Variants in KIF15 observed in about 807,000 individuals in gnomAD.
KIF15 encodes the protein kinesin family member 15, also known as kinesin-like protein KIF15.
In KIF15, 140 loss-of-function variants were observed where a neutral mutation model predicts 190.6. The observed-to-expected ratio is 0.73, with a 90% CI of 0.64 to 0.84. KIF15 has a LOEUF of 0.84. Ranked by LOEUF, KIF15 falls within the 40% of genes least tolerant of loss-of-function variation. The pLI, the probability that KIF15 is intolerant of heterozygous loss-of-function variation, is 0.00. For missense variants in KIF15, 1,372 were observed against 1,584.4 expected (o/e 0.87, Z 2.28); for synonymous variants, 528 against 551.3 (o/e 0.96, Z 0.59).
At chr3:44,790,387 C>T (rs1373163642) in intron 7 of KIF15, among the ~76,000 whole-genome samples, 2 of 151,952 alleles carry the variant, frequency 1.3e-5, no homozygotes, top group Non-Finnish European at 2.9e-5. Flanking sequence ...TCATGTTGGC[C>T]GGGCTGGTCT....
chr3:44,852,639 T>TG (rs1699103407), intron 34 of KIF15, 34 bp from the exon 35 acceptor site: 1 of 1,481,870 alleles, frequency 6.7e-7, no homozygotes, highest in Non-Finnish European at 9.2e-7. Flanking sequence ...TAGAGCCTTA[T>TG]TTTTTTTCTT....
downstream of KIF15, among the ~76,000 whole-genome samples, chr3:44,857,423 A>G (rs2125736391): frequency 6.6e-6 from 1 of 152,348 alleles, no homozygotes; most frequent in Non-Finnish European, 1.5e-5. Context: ...TAAAACAGTA[A>G]GGTCAAGTTG....
chr3:44,862,038 G>C (rs1241939232), intron 6 of KIF15: 2 of 1,388,164 alleles, frequency 1.4e-6, no homozygotes, highest in South Asian at 1.7e-5. Flanking sequence ...GCCGCTTTTG[G>C]GGCGTATTCA....
downstream of KIF15, among the ~76,000 whole-genome samples, chr3:44,858,111 A>G (rs187822982): frequency 1.3e-5 from 2 of 152,334 alleles, no homozygotes; most frequent in East Asian, 3.9e-4. Context: ...TCCAGGTAAA[A>G]GCAGAGGCTG....
chr3:44,805,262 TTAAA>T, intron 15 of KIF15, 94 bp downstream of exon 15: 1 of 1,230,600 alleles, frequency 8.1e-7, no homozygotes, highest in Non-Finnish European at 1.1e-6. Flanking sequence ...GCATTTTACT[TTAAA>T]TATTAAACTC....
At chr3:44,822,583 A>G (rs1697404215) in intron 20 of KIF15, among the ~76,000 whole-genome samples, 1 of 152,206 alleles carries the variant, frequency 6.6e-6, no homozygotes, top group South Asian at 2.1e-4. Flanking sequence ...CTCCTGGATA[A>G]TATCCTGAAG....
At chr3:44,803,378 G>A (rs1707365723) in intron 14 of KIF15, among the ~76,000 whole-genome samples, 1 of 152,232 alleles carries the variant, frequency 6.6e-6, no homozygotes, top group Admixed American at 6.5e-5. Flanking sequence ...GTCCTGTGCA[G>A]TATAAGAGAT....
At chr3:44,811,777 C>T (rs1173013418) in intron 17 of KIF15, among the ~76,000 whole-genome samples, 5 of 152,128 alleles carry the variant, frequency 3.3e-5, no homozygotes, top group Non-Finnish European at 7.3e-5. Flanking sequence ...AGGTTTTCTA[C>T]TGTCCAGTAA....
At chr3:44,814,757 T>C (rs1707950666) in intron 19 of KIF15, among the ~76,000 whole-genome samples, 154 bp from the exon 20 acceptor site, 1 of 152,138 alleles carries the variant, frequency 6.6e-6, no homozygotes, top group African/African-American at 2.4e-5. Flanking sequence ...AATAGAAATC[T>C]CAGTGCTGCT....
intron 5 of KIF15, among the ~76,000 whole-genome samples, chr3:44,782,727 T>C (rs1706225919): frequency 6.6e-6 from 1 of 152,118 alleles, no homozygotes; most frequent in Non-Finnish European, 1.5e-5. Context: ...AGTTATTAAG[T>C]GAAATGAGAG....
Position 44,794,243 on chromosome 3 carries a change from A to G in KIF15, c.666A>G (p.Arg222=). The change falls in exon 8 of 35, where the codon AGA becomes AGG. Residue 222 remains arginine (R), a synonymous_variant. Coordinates refer to ENST00000326047, the MANE Select transcript of KIF15 (RefSeq NM_020242.3). The part of the protein sequence containing the change: ...YQVLSGGWRN[R]RVASTSMNRE... ...TGTTGTCTGGAGGATGGAGGAATAG[A>G]CGTGTGGCATCAACATCAATGAACA... The G allele has an allele frequency of 6.2e-7, 1 of 1,613,916 alleles. No individual in the cohort carries two copies. Among genetic ancestry groups the G allele is most frequent in the Non-Finnish European group, 8.5e-7 (1 of 1,179,890 alleles).
intron 1 of KIF15, among the ~76,000 whole-genome samples, chr3:44,762,785 C>T (rs1294741044): frequency 6.6e-6 from 1 of 152,184 alleles, no homozygotes; most frequent in African/African-American, 2.4e-5. Context: ...CTAATCGGAA[C>T]ACCTCCTTAT....
Position 44,828,252 on chromosome 3 carries a change from T to G in KIF15, c.2895T>G (p.Ala965=). 1 of 1,613,874 alleles carries G rather than the reference T, an allele frequency of 6.2e-7. No individual in the cohort carries two copies. The highest frequency in any genetic ancestry group is 8.5e-7 in the Non-Finnish European group (1 of 1,179,780). ...AGAAACTAGAAGAGAGCTTGCTTGC[T>G]ACTGAAAAAGTGATCAGTTCCCTGG... ...KVQKLEESLL[A]TEKVISSLEK... The change falls in exon 24 of 35, where the codon GCT becomes GCG. Residue 965 remains alanine, a synonymous_variant. Transcript: ENST00000326047.
rs141639518 is a variant in KIF15, at chr3:44,843,211, T to C, written c.3672T>C (p.Asp1224=). The C allele has an allele frequency of 3.1e-6, 5 of 1,612,586 alleles. No individual in the cohort carries two copies. Among genetic ancestry groups the C allele is most frequent in the African/African-American group, 1.3e-5 (1 of 74,828 alleles). ...KNWLLQGQLD[D]IKRQKENSDQ... is the part of the protein sequence containing the mutation. ...GGCTCCTGCAAGGTCAGCTGGATGA[T>C]ATTAAAAGACAAAAGGAAAACAGGT... The change falls in exon 30 of 35, where the codon GAT becomes GAC. Residue 1224 remains aspartate (D), a synonymous_variant. Coordinates refer to ENST00000326047, the MANE Select transcript of KIF15 (RefSeq NM_020242.3).
At chr3:44,835,387 G>T (rs760267954) in intron 26 of KIF15, among the ~76,000 whole-genome samples, 16 of 152,044 alleles carry the variant, frequency 1.1e-4, no homozygotes, top group Non-Finnish European at 2.2e-4. Flanking sequence ...CTACAGATGT[G>T]CAGCACCACG....
At chr3:44,761,985 G>GAACT in intron 1 of KIF15, 101 bp downstream of exon 1, 1 of 1,462,028 alleles carries the variant, frequency 6.8e-7, no homozygotes, top group Non-Finnish European at 9.6e-7. Flanking sequence ...TGCTAGGCAT[G>GAACT]AACTGCAGGA....
chr3:44,824,817 T>C (rs989373318), intron 20 of KIF15, among the ~76,000 whole-genome samples: 1 of 152,206 alleles, frequency 6.6e-6, no homozygotes, highest in Admixed American at 6.5e-5. Context: ...TGGAGCACAG[T>C]GGCATAAACA....
chr3:44,789,137 G>A (rs1393451522), intron 7 of KIF15, among the ~76,000 whole-genome samples: 2 of 152,024 alleles, frequency 1.3e-5, no homozygotes, highest in Non-Finnish European at 2.9e-5. Context: ...TTATCATGCT[G>A]TTCTTTTTCC....
rs947190163 is a variant in KIF15, at chr3:44,831,072, T to C, written c.3171+54T>C. On this transcript the variant is annotated intron_variant, in intron 26 of 34. Transcript: ENST00000326047. ...GTTTGCCTTATTACTTGTCAATATG[T>C]GTATTTGTGTGTGGAAGTTATTAAT... 14 of 1,550,934 alleles carry C rather than the reference T, an allele frequency of 9.0e-6. No homozygotes were observed. In the South Asian group the frequency reaches 1.7e-4, roughly 18 times the overall value.
Sources: allele counts gnomAD v4.1 joint callset (sites outside exome capture counted in the v4.1 genomes callset), GRCh38; gene constraint gnomAD v4.1.1; transcripts MANE v1.5; gene names NCBI Gene and HGNC (gene_info 2026-07-23, HGNC 2026-07-21).